The following FAM110C variants were observed in gnomAD, a reference collection of about 807,000 sequenced individuals.
The protein encoded by FAM110C is protein FAM110C.
Under a neutral mutation model 15.7 loss-of-function variants are expected in FAM110C, and 19 were observed. The observed-to-expected ratio is 1.21, with a 90% CI of 0.85 to 1.78. FAM110C has a LOEUF of 1.78. FAM110C is among the 40% of genes most tolerant of loss of function. FAM110C has a pLI of 0.00. For missense variants in FAM110C, 547 were observed against 495.7 expected (o/e 1.10, Z -0.98); for synonymous variants, 275 against 233.9 (o/e 1.18, Z -1.61).
At chr2:43,732 T>A (rs1281005756) in intron 1 of FAM110C, 2 of 985,326 alleles carry the variant, frequency 2.0e-6, no homozygotes, top group Non-Finnish European at 2.4e-6. Flanking sequence ...ACCTCCCCAC[T>A]ATTTATACCA....
intron 1 of FAM110C, chr2:42,207 ATC>A (rs1664145256): frequency 3.0e-6 from 3 of 985,306 alleles, no homozygotes; most frequent in African/African-American, 1.7e-5. Flanking sequence ...TTTTTTCTGC[ATC>A]TTTGCAAATA....
intron 1 of FAM110C, chr2:44,529 G>GA (rs1159373974): frequency 1.1e-5 from 11 of 984,844 alleles, no homozygotes; most frequent in Admixed American, 6.2e-5. Context: ...AGGGTAAGAG[G>GA]AAAAAAAAGA....
intron 1 of FAM110C, chr2:42,822 A>C (rs1179651255): frequency 1.0e-6 from 1 of 985,414 alleles, no homozygotes; most frequent in Non-Finnish European, 1.2e-6. Context: ...TGTTCGTCTC[A>C]AGTTTTCTGA....
intron 1 of FAM110C, chr2:41,978 A>G (rs1558180421): frequency 1.0e-6 from 1 of 985,298 alleles, no homozygotes; most frequent in Non-Finnish European, 1.2e-6. Context: ...ACAAAATAGG[A>G]AGCAATGCAG....
rs1664101507 is a variant in FAM110C at position 40,725 on chromosome 2, A to G, written c.*883T>C. ...CCTCAGATGCCCGTGTTCTGTGTAA[A>G]CCAAAGTTTTCTGTTCTTTTTGGAA... On this transcript the variant is annotated 3_prime_UTR_variant, in exon 2 of 2. Transcript: ENST00000327669. 2 of 152,302 alleles carry G rather than the reference A, an allele frequency of 1.3e-5. No individual in the cohort carries two copies. Among genetic ancestry groups the G allele is most frequent in the African/African-American group, 2.4e-5 (1 of 41,574 alleles). The allele number at this position is 152,302 out of a possible 1,614,324, so 9.4% of individuals were successfully genotyped here.
intron 1 of FAM110C, among the ~76,000 whole-genome samples, chr2:42,539 G>A (rs1488971386): frequency 2.0e-5 from 3 of 152,192 alleles, no homozygotes; most frequent in Non-Finnish European, 4.4e-5. Context: ...TAAGCTCTGG[G>A]AAACAGAATA....
At chr2:43,040 C>G in intron 1 of FAM110C, 1 of 985,502 alleles carries the variant, frequency 1.0e-6, no homozygotes, top group Non-Finnish European at 1.2e-6. Context: ...AACACCAGTG[C>G]TGGGAGGTGG....
At position 45,769 on chromosome 2, in the gene FAM110C, G is replaced by A. The variant is rs1482994507; in HGVS notation, c.617C>T (p.Ser206Phe). The A allele has an allele frequency of 8.2e-6, 13 of 1,577,294 alleles. No homozygotes were observed. The highest frequency in any genetic ancestry group is 1.0e-5 in the Non-Finnish European group (12 of 1,164,186). ...GLQRSQSDLS[S>F]RYSAALAESD... ...CTCGGCCAAGGCAGCGGAATAGCGGGAGCTGAGGTCCGACTGTGAGCGCTG... is the reference window on the plus strand; with the variant it reads ...CTCGGCCAAGGCAGCGGAATAGCGGAAGCTGAGGTCCGACTGTGAGCGCTG... Residue 206 changes from serine to phenylalanine, a missense_variant, in exon 1 of 2, where the codon TCC (serine) becomes TTC (phenylalanine). Ser to Phe is a radical substitution (Grantham distance 155). Coordinates refer to ENST00000327669, the MANE Select transcript of FAM110C (RefSeq NM_001077710.3).
At chr2:41,653 A>G (rs1423189812) in intron 1 of FAM110C, 26 bp from the exon 2 acceptor site, 2 of 1,613,142 alleles carry the variant, frequency 1.2e-6, no homozygotes, top group South Asian at 1.1e-5. Flanking sequence ...AAAAATAGTG[A>G]ATCAACTCCA....
At position 41,438 on chromosome 2, in the gene FAM110C, AG is replaced by A; in HGVS notation, c.*169del. The A allele has an allele frequency of 1.6e-6, 1 of 618,838 alleles. No homozygotes were observed. The allele number at this position is 618,838 out of a possible 1,614,324, so 38.3% of individuals were successfully genotyped here. A position where few individuals can be genotyped will look rare whatever the true frequency, so the allele number is the denominator to read the frequency against. On this transcript the variant is annotated 3_prime_UTR_variant, in exon 2 of 2. Coordinates refer to ENST00000327669, the MANE Select transcript of FAM110C (RefSeq NM_001077710.3). ...GCTGTTACAACTCAGCTAAATTTCAAGGTCTGTGTTCCCATATTCTCTGTAG... is the reference window on the plus strand; with the variant it reads ...GCTGTTACAACTCAGCTAAATTTCAAGTCTGTGTTCCCATATTCTCTGTAG...
intron 1 of FAM110C, 186 bp downstream of exon 1, chr2:45,254 T>A (rs141600687): frequency 4.7e-5 from 46 of 985,424 alleles, no homozygotes; most frequent in Non-Finnish European, 5.4e-5. Flanking sequence ...TACCTTCTGC[T>A]CTTCAGCAGC....
chr2:38,860 A>G lies in FAM110C; in HGVS notation c.*2748T>C, dbSNP rs1558178934. On this transcript the variant is annotated 3_prime_UTR_variant, in exon 2 of 2. Transcript: ENST00000327669. ...TTATTTCTTTAACACAGAATATACA[A>G]TATTGCACTCCAGTTGCAAATAGTG... 6.6e-6 allele frequency: 1 copy of G among 152,256 alleles called. No individual in the cohort carries two copies. The highest frequency in any genetic ancestry group is 2.4e-5 in the African/African-American group (1 of 41,468). The allele number at this position is 152,256 out of a possible 1,614,324, so 9.4% of individuals were successfully genotyped here. A position where few individuals can be genotyped will look rare whatever the true frequency, so the allele number is the denominator to read the frequency against.
rs1664124839 is a variant in FAM110C, at chr2:41,539, C to T, written c.*69G>A. On this transcript the variant is annotated 3_prime_UTR_variant, in exon 2 of 2. Transcript: ENST00000327669. ...CCTGGTAAAACAGCAATCATGTGGT[C>T]ACCTAGGCACACTAGCCAAATGGTC... 6.4e-7 allele frequency: 1 copy of T among 1,569,326 alleles called. No individual in the cohort carries two copies. Among genetic ancestry groups the T allele is most frequent in the African/African-American group, 1.4e-5 (1 of 73,526 alleles).
intron 1 of FAM110C, chr2:42,983 G>A: frequency 1.0e-6 from 1 of 985,454 alleles, no homozygotes; most frequent in Non-Finnish European, 1.2e-6. Flanking sequence ...CACTGACCAG[G>A]TGTTCACACT....
chr2:42,603 G>A (rs946190061), intron 1 of FAM110C, among the ~76,000 whole-genome samples: 8 of 152,202 alleles, frequency 5.3e-5, no homozygotes, highest in African/African-American at 1.9e-4. Context: ...CAGAGGACTT[G>A]TGTGCGGATT....
chr2:43,220 G>C, intron 1 of FAM110C: 2 of 985,448 alleles, frequency 2.0e-6, no homozygotes, highest in Non-Finnish European at 2.4e-6. Context: ...AAGTACATTA[G>C]TAAAGAAAAT....
intron 1 of FAM110C, 170 bp downstream of exon 1, chr2:45,270 C>T: frequency 2.0e-6 from 2 of 985,422 alleles, no homozygotes; most frequent in Non-Finnish European, 2.4e-6. Flanking sequence ...GCAGCGGGGG[C>T]TCAACTCACA....
At chr2:43,103 G>A in intron 1 of FAM110C, 1 of 985,444 alleles carries the variant, frequency 1.0e-6, no homozygotes, top group Non-Finnish European at 1.2e-6. Context: ...GTGATCTGGA[G>A]AAAGCCCAGG....
At position 45,584 on chromosome 2, in the gene FAM110C, C is replaced by A; in HGVS notation, c.802G>T (p.Asp268Tyr). 6.2e-7 allele frequency: 1 copy of A among 1,612,760 alleles called. No individual in the cohort carries two copies. Among genetic ancestry groups the A allele is most frequent in the Non-Finnish European group, 8.5e-7 (1 of 1,179,886 alleles). ...AGCTCCTCCTCCTGCAGCCCCTCGT[C>A]GTCGCCGCCGCTGTGCCGGGAGAAG... ...SGFSRHSGGD[D>Y]EGLQEEELIE... Residue 268 changes from aspartate to tyrosine, a missense_variant, in exon 1 of 2, where the codon GAC (aspartate) becomes TAC (tyrosine). Transcript: ENST00000327669.
Sources: gnomAD v4.1 joint callset for allele counts (sites outside exome capture counted in the v4.1 genomes callset) on GRCh38, gnomAD v4.1.1 for gene constraint, MANE v1.5 for transcripts, NCBI Gene and HGNC (gene_info 2026-07-23, HGNC 2026-07-21) for gene names.